Variants in MAP7 observed in about 807,000 individuals in gnomAD.
The protein encoded by MAP7 is microtubule associated protein 7.
In MAP7, 52 loss-of-function variants were observed where a neutral mutation model predicts 94.8. The observed-to-expected ratio is 0.55, with a 90% CI of 0.44 to 0.69. The LOEUF (loss-of-function observed/expected upper bound fraction) is 0.69, where lower values mean the gene tolerates loss of function less well. MAP7 is among the 30% of genes least tolerant of loss of function. MAP7 has a pLI of 0.00. For synonymous variants in MAP7, 350 were observed against 357.0 expected, an observed-to-expected ratio of 0.98 and a Z score of 0.22; for missense variants, 940 against 964.6, an observed-to-expected ratio of 0.97 and a Z score of 0.34.
At chr6:136,478,979 C>CAAAAAAAAAAAAAAAAAAAAAAAAAAA (rs59319740) in intron 1 of MAP7, among the ~76,000 whole-genome samples, 1 of 45,554 alleles carries the variant, frequency 2.2e-5, no homozygotes, top group African/African-American at 5.3e-5. Context: ...ACAGACACAT[C>CAAAAAAAAAAAAAAAAAAAAAAAAAAA]AAAAAAAAAA....
chr6:136,430,236 C>T (rs983509420), intron 1 of MAP7, among the ~76,000 whole-genome samples: 2 of 152,064 alleles, frequency 1.3e-5, no homozygotes, highest in Non-Finnish European at 1.5e-5. Flanking sequence ...ATTAAAACAA[C>T]GAACTGAAAA....
At chr6:136,478,218 A>T (rs1188101012) in intron 1 of MAP7, among the ~76,000 whole-genome samples, 1 of 152,202 alleles carries the variant, frequency 6.6e-6, no homozygotes, top group African/African-American at 2.4e-5. Context: ...ACCTAACAAC[A>T]TTGTACAGAA....
chr6:136,435,767 G>A (rs1001115338), intron 1 of MAP7, among the ~76,000 whole-genome samples: 15 of 152,170 alleles, frequency 9.9e-5, no homozygotes, highest in African/African-American at 3.4e-4. Flanking sequence ...ACAGGGTAGG[G>A]AGAAAAATTT....
intron 3 of MAP7, among the ~76,000 whole-genome samples, chr6:136,404,135 T>C (rs1784944559): frequency 1.3e-5 from 2 of 152,328 alleles, no homozygotes; most frequent in South Asian, 4.1e-4. Context: ...ACGTGAAGTA[T>C]GAAATCAGGG....
At chr6:136,389,631 T>C (rs918110437) in intron 3 of MAP7, 114 bp from the exon 4 acceptor site, 1 of 892,292 alleles carries the variant, frequency 1.1e-6, no homozygotes, top group Non-Finnish European at 1.7e-6. Flanking sequence ...ATGGGTTCTT[T>C]AGTTTTGTAT....
intron 1 of MAP7, among the ~76,000 whole-genome samples, chr6:136,527,355 GTGTTTTAATAAAAATCAAGTC>G (rs1444289379): frequency 1.3e-5 from 2 of 151,742 alleles, no homozygotes; most frequent in Non-Finnish European, 1.5e-5. Context: ...TTTTGCTTTT[GTGTTTTAATAAAAATCAAGTC>G]TGCTTAGCAA....
intron 17 of MAP7, 120 bp downstream of exon 17, chr6:136,345,736 T>C: frequency 2.3e-6 from 2 of 863,734 alleles, no homozygotes; most frequent in Non-Finnish European, 3.9e-6. Flanking sequence ...CACTGTGGCT[T>C]ACTTGGTCCT....
At chr6:136,364,497 C>A in intron 10 of MAP7, 1 of 244,546 alleles carries the variant, frequency 4.1e-6, no homozygotes, top group East Asian at 1.3e-4. Context: ...AAAAGCTGAA[C>A]TCTTAAAAAA....
At chr6:136,410,219 C>T (rs919783148) in intron 3 of MAP7, among the ~76,000 whole-genome samples, 6 of 151,804 alleles carry the variant, frequency 4.0e-5, no homozygotes, top group African/African-American at 1.5e-4. Flanking sequence ...AGATATGAAT[C>T]CACGCTATAA....
chr6:136,409,833 T>C (rs936224987), intron 3 of MAP7, among the ~76,000 whole-genome samples: 2 of 152,246 alleles, frequency 1.3e-5, no homozygotes, highest in African/African-American at 4.8e-5. Flanking sequence ...TTGTCATCTT[T>C]TAAATACAAT....
intron 3 of MAP7, among the ~76,000 whole-genome samples, chr6:136,391,531 C>G (rs1473324270): frequency 7.4e-6 from 1 of 135,478 alleles, no homozygotes; most frequent in African/African-American, 2.8e-5. Context: ...TGCACATGTA[C>G]CCTAAAACTT....
rs56764706 is a variant in MAP7, at chr6:136,505,277, G to GTATATATATA, written c.67+45055_67+45064dup. ...TGTGTGTGTGTGTGTGTGTGTGTGT[G>GTATATATATA]TATATATATATATATATATATATAT... On this transcript the variant is annotated intron_variant, in intron 1 of 17. Transcript: ENST00000354570. Among the ~76,000 whole-genome samples, 163 of 53,822 alleles carry GTATATATATA rather than the reference G, an allele frequency of 3.0e-3. 1 individual carries two copies. Among genetic ancestry groups the GTATATATATA allele is most frequent in the African/African-American group, 5.6e-3 (69 of 12,432 alleles). The allele number at this position is 53,822 out of a possible 152,430, so 35.3% of individuals were successfully genotyped here.
At chr6:136,460,380 C>A (rs776682955) in intron 1 of MAP7, among the ~76,000 whole-genome samples, 4 of 151,846 alleles carry the variant, frequency 2.6e-5, no homozygotes, top group Non-Finnish European at 4.4e-5. Flanking sequence ...TTTGTTTTTG[C>A]CAAAATTTCT....
intron 11 of MAP7, among the ~76,000 whole-genome samples, chr6:136,361,903 T>C (rs951404645): frequency 3.3e-5 from 5 of 152,140 alleles, no homozygotes; most frequent in Admixed American, 2.6e-4. Context: ...AACCTGGAGA[T>C]TGGAGATGTG....
chr6:136,467,468 T>C (rs1354145151), intron 1 of MAP7, among the ~76,000 whole-genome samples: 1 of 152,226 alleles, frequency 6.6e-6, no homozygotes, highest in Non-Finnish European at 1.5e-5. Flanking sequence ...TGACTTGCTT[T>C]AGTAAGTTCT....
chr6:136,454,498 A>G (rs1179584789), intron 1 of MAP7, among the ~76,000 whole-genome samples: 13 of 151,760 alleles, frequency 8.6e-5, no homozygotes, highest in South Asian at 2.1e-4. Context: ...GGGTCTTACT[A>G]TGTTACCCAG....
chr6:136,473,093 G>A (rs1351197242), intron 1 of MAP7, among the ~76,000 whole-genome samples: 1 of 152,064 alleles, frequency 6.6e-6, no homozygotes, highest in African/African-American at 2.4e-5. Context: ...CACCTGAAAT[G>A]TCTCTTCAAT....
At chr6:136,516,559 G>C (rs1824900127) in intron 1 of MAP7, among the ~76,000 whole-genome samples, 1 of 152,164 alleles carries the variant, frequency 6.6e-6, no homozygotes, top group South Asian at 2.1e-4. Context: ...AGAGGGAAGA[G>C]CTCCAAGCGA....
intron 1 of MAP7, among the ~76,000 whole-genome samples, chr6:136,511,820 A>T (rs1468161325): frequency 2.6e-5 from 4 of 152,232 alleles, no homozygotes; most frequent in Non-Finnish European, 4.4e-5. Context: ...AGGAAAGAAA[A>T]TACTTATAAT....
Sources: gnomAD v4.1 joint callset for allele counts (sites outside exome capture counted in the v4.1 genomes callset) on GRCh38, gnomAD v4.1.1 for gene constraint, MANE v1.5 for transcripts, NCBI Gene and HGNC (gene_info 2026-07-23, HGNC 2026-07-21) for gene names.